The following SLC35F3 variants were observed in gnomAD, a reference collection of about 807,000 sequenced individuals.
SLC35F3 encodes the protein solute carrier family 35 member F3.
A neutral mutation model predicts 49.9 loss-of-function variants in SLC35F3; 25 were observed. That is an observed-to-expected ratio of 0.50 (90% confidence interval 0.37 to 0.70). The LOEUF is 0.70. Among genes scored for constraint, SLC35F3 ranks in the 30% least tolerant of loss-of-function variants. The pLI is 0.00. For missense variants in SLC35F3, 525 were observed against 639.8 expected, an observed-to-expected ratio of 0.82 and a Z score of 1.94; for synonymous variants, 275 against 265.4, an observed-to-expected ratio of 1.04 and a Z score of -0.35.
intron 2 of SLC35F3, among the ~76,000 whole-genome samples, chr1:234,137,110 A>C (rs567818269): frequency 1.3e-4 from 20 of 152,366 alleles, no homozygotes; most frequent in African/African-American, 4.8e-4. Flanking sequence ...CAATCCAAAT[A>C]ACACAGGGCC....
At chr1:233,993,025 C>T (rs4285771) in intron 2 of SLC35F3, among the ~76,000 whole-genome samples, 41,907 of 152,044 alleles carry the variant, frequency 0.28, 6,023 homozygotes, top group East Asian at 0.49. Context: ...TTGAAATGCC[C>T]GTGCCTTGCC....
intron 2 of SLC35F3, among the ~76,000 whole-genome samples, chr1:234,094,359 C>T (rs1489920210): frequency 2.0e-5 from 3 of 152,210 alleles, no homozygotes; most frequent in African/African-American, 7.2e-5. Flanking sequence ...AATCCTCTAG[C>T]TTCATGCAAT....
chr1:234,322,929 G>A, intron 7 of SLC35F3, 79 bp from the exon 8 acceptor site: 1 of 1,148,192 alleles, frequency 8.7e-7, no homozygotes, highest in South Asian at 1.3e-5. Flanking sequence ...AGAGGAGGGT[G>A]CCCCCAGGCC....
chr1:234,313,592 G>A (rs1657412263), intron 4 of SLC35F3, among the ~76,000 whole-genome samples: 1 of 152,124 alleles, frequency 6.6e-6, no homozygotes, highest in South Asian at 2.1e-4. Context: ...ATTGTTCCGT[G>A]GGGAGCATTG....
chr1:233,909,972 A>T (rs2211594), intron 2 of SLC35F3, among the ~76,000 whole-genome samples: 95,292 of 152,034 alleles, frequency 0.63, 30,557 homozygotes, highest in East Asian at 0.93. Context: ...GGTTTTCAGG[A>T]TGGCCAGATC....
intron 3 of SLC35F3, among the ~76,000 whole-genome samples, chr1:234,299,646 A>C (rs931667490): frequency 6.6e-6 from 1 of 152,092 alleles, no homozygotes; most frequent in South Asian, 2.1e-4. Context: ...TCTACTAAAA[A>C]TACAAAAAAT....
At chr1:234,011,415 A>G (rs1663718656) in intron 2 of SLC35F3, among the ~76,000 whole-genome samples, 2 of 152,284 alleles carry the variant, frequency 1.3e-5, no homozygotes, top group South Asian at 4.2e-4. Context: ...ACAATAATTT[A>G]TATGTATTTA....
intron 4 of SLC35F3, among the ~76,000 whole-genome samples, chr1:234,313,071 C>T (rs889687298): frequency 5.9e-5 from 9 of 152,044 alleles, no homozygotes; most frequent in Non-Finnish European, 1.3e-4. Context: ...GAGACAGAGT[C>T]TCACCATGTT....
At chr1:234,021,731 C>CCTTA (rs1201074932) in intron 2 of SLC35F3, among the ~76,000 whole-genome samples, 2 of 152,204 alleles carry the variant, frequency 1.3e-5, no homozygotes, top group Admixed American at 6.5e-5. Flanking sequence ...ACCTCCCTTT[C>CCTTA]CTTACCACTG....
rs866946048 is a variant in SLC35F3 at position 234,199,976 on chromosome 1, G to T, written c.284-31441G>T. Among the ~76,000 whole-genome samples the T allele has an allele frequency of 2.6e-5, 4 of 152,284 alleles. No individual in the cohort carries two copies. In the Middle Eastern group the frequency reaches 0.01, roughly 388 times the overall value. ...CTGTTAGAATGCAGTTACCAAAAAG[G>T]TGAATAATAGCACACGTTTGGTGAA... On this transcript the variant is annotated intron_variant, in intron 2 of 7. Coordinates refer to ENST00000366618, the MANE Select transcript of SLC35F3 (RefSeq NM_173508.4).
intron 2 of SLC35F3, among the ~76,000 whole-genome samples, chr1:234,054,617 G>C (rs779123335): frequency 6.6e-6 from 1 of 152,062 alleles, no homozygotes; most frequent in Non-Finnish European, 1.5e-5. Context: ...GTTTATTACC[G>C]ATTGTCTGAA....
At chr1:234,047,690 C>T (rs529974310) in intron 2 of SLC35F3, among the ~76,000 whole-genome samples, 9 of 137,956 alleles carry the variant, frequency 6.5e-5, no homozygotes, top group African/African-American at 3.1e-4. Context: ...TACACACACA[C>T]ACATACATAC....
At chr1:234,311,723 G>A (rs1432735875) in intron 4 of SLC35F3, among the ~76,000 whole-genome samples, 1 of 152,236 alleles carries the variant, frequency 6.6e-6, no homozygotes, top group East Asian at 1.9e-4. Flanking sequence ...GAGCCAAGGT[G>A]GCTCCTTGTG....
intron 2 of SLC35F3, among the ~76,000 whole-genome samples, chr1:234,033,971 GTCTGT>G (rs1664104009): frequency 6.6e-6 from 1 of 152,136 alleles, no homozygotes; most frequent in Non-Finnish European, 1.5e-5. Context: ...ACAATATTGA[GTCTGT>G]CCAGCCATAA....
chr1:234,170,914 G>T (rs1301772754), intron 2 of SLC35F3, among the ~76,000 whole-genome samples: 1 of 152,218 alleles, frequency 6.6e-6, no homozygotes, highest in African/African-American at 2.4e-5. Flanking sequence ...GTCTTGTTGG[G>T]TGAAGCCAAG....
chr1:234,259,581 GGAAAATT>G (rs915817594), intron 3 of SLC35F3, among the ~76,000 whole-genome samples: 3 of 152,108 alleles, frequency 2.0e-5, no homozygotes, highest in African/African-American at 7.2e-5. Flanking sequence ...GGCTGAGACA[GGAAAATT>G]GCTTGAACCC....
At chr1:234,003,010 T>C (rs1002727615) in intron 2 of SLC35F3, among the ~76,000 whole-genome samples, 7 of 150,404 alleles carry the variant, frequency 4.7e-5, no homozygotes, top group South Asian at 2.1e-4. Flanking sequence ...TTTGTTGATC[T>C]TTTTGTTTTG....
chr1:234,059,789 T>C (rs1006173947), intron 2 of SLC35F3, among the ~76,000 whole-genome samples: 3 of 152,178 alleles, frequency 2.0e-5, no homozygotes, highest in Non-Finnish European at 4.4e-5. Context: ...GTCCCAAAAT[T>C]GAAAAACTTG....
chr1:234,189,652 A>T (rs2102928255), intron 2 of SLC35F3, among the ~76,000 whole-genome samples: 1 of 152,244 alleles, frequency 6.6e-6, no homozygotes, highest in African/African-American at 2.4e-5. Flanking sequence ...ATTTGGGGGA[A>T]TAATTAAGGA....
Sources: allele counts gnomAD v4.1 joint callset (sites outside exome capture counted in the v4.1 genomes callset), GRCh38; gene constraint gnomAD v4.1.1; transcripts MANE v1.5; gene names NCBI Gene and HGNC (gene_info 2026-07-23, HGNC 2026-07-21).